Variants in DDX10 observed in about 807,000 individuals in gnomAD.
DDX10 encodes probable ATP-dependent RNA helicase DDX10.
A neutral mutation model predicts 104.3 loss-of-function variants in DDX10; 74 were observed. That is an observed-to-expected ratio of 0.71 (90% CI 0.59 to 0.86). The LOEUF (loss-of-function observed/expected upper bound fraction) is 0.86, where lower values mean the gene tolerates loss of function less well. Ranked by LOEUF, DDX10 falls within the 40% of genes least tolerant of loss-of-function variation. DDX10 has a pLI of 0.00. For synonymous variants in DDX10, 351 were observed against 353.4 expected (o/e 0.99, Z 0.08); for missense variants, 952 against 1,040.0 (o/e 0.92, Z 1.16).
At chr11:108,855,250 G>T (rs1862849708) in intron 16 of DDX10, among the ~76,000 whole-genome samples, 1 of 152,110 alleles carries the variant, frequency 6.6e-6, no homozygotes, top group Non-Finnish European at 1.5e-5. Flanking sequence ...GTTCAGGTAG[G>T]TTACATAATC....
intron 13 of DDX10, among the ~76,000 whole-genome samples, chr11:108,782,313 C>A (rs1036219849): frequency 2.6e-5 from 4 of 152,144 alleles, no homozygotes; most frequent in African/African-American, 9.7e-5. Context: ...GCCTCAATTT[C>A]TTCTATCAAT....
At chr11:108,865,477 A>G (rs1055485691) in intron 16 of DDX10, among the ~76,000 whole-genome samples, 8 of 152,318 alleles carry the variant, frequency 5.3e-5, no homozygotes, top group African/African-American at 1.9e-4. Flanking sequence ...TGGTTGAAAT[A>G]CAGCAGGAGA....
intron 9 of DDX10, among the ~76,000 whole-genome samples, chr11:108,701,911 C>G (rs1050119743): frequency 3.3e-5 from 5 of 152,056 alleles, no homozygotes; most frequent in Admixed American, 3.3e-4. Context: ...GTCTCAAACT[C>G]CTGACCTCAG....
intron 13 of DDX10, among the ~76,000 whole-genome samples, chr11:108,788,582 C>T (rs1174387170): frequency 3.9e-5 from 6 of 152,138 alleles, no homozygotes; most frequent in Non-Finnish European, 7.3e-5. Context: ...AGGCTGGTCT[C>T]GAACTCCCGA....
intron 13 of DDX10, among the ~76,000 whole-genome samples, chr11:108,829,706 T>C (rs769504717): frequency 1.1e-4 from 17 of 152,250 alleles, no homozygotes; most frequent in Non-Finnish European, 2.1e-4. Flanking sequence ...CTAGAATCTT[T>C]ATGGTTTCAG....
At chr11:108,909,027 G>C (rs1863632984) in intron 16 of DDX10, among the ~76,000 whole-genome samples, 1 of 152,170 alleles carries the variant, frequency 6.6e-6, no homozygotes, top group Non-Finnish European at 1.5e-5. Flanking sequence ...CTGAGTGACA[G>C]GAGTGTCTCT....
intron 5 of DDX10, 97 bp downstream of exon 5, chr11:108,678,532 A>G: frequency 8.0e-7 from 1 of 1,257,842 alleles, no homozygotes; most frequent in East Asian, 2.6e-5. Context: ...TGTTAGATAA[A>G]TGTTATGATT....
chr11:108,778,786 A>G (rs1263992793), intron 13 of DDX10, among the ~76,000 whole-genome samples: 4 of 152,256 alleles, frequency 2.6e-5, no homozygotes, highest in East Asian at 1.9e-4. Flanking sequence ...AGTTTTTACA[A>G]TCTACCCATC....
intron 16 of DDX10, among the ~76,000 whole-genome samples, chr11:108,894,421 A>G (rs1863414494): frequency 1.3e-5 from 2 of 152,016 alleles, no homozygotes; most frequent in South Asian, 4.1e-4. Context: ...CTTTAAAGTG[A>G]GTTATCAGTC....
chr11:108,727,561 A>G (rs1338262198), intron 13 of DDX10, among the ~76,000 whole-genome samples: 1 of 152,190 alleles, frequency 6.6e-6, no homozygotes, highest in East Asian at 1.9e-4. Flanking sequence ...TTTTATTGCC[A>G]TATGAATAAA....
At chr11:108,667,749 G>A (rs2094211875) in intron 1 of DDX10, among the ~76,000 whole-genome samples, 1 of 152,154 alleles carries the variant, frequency 6.6e-6, no homozygotes, top group African/African-American at 2.4e-5. Flanking sequence ...ATACCCATCT[G>A]CCCACTCTAA....
intron 16 of DDX10, among the ~76,000 whole-genome samples, chr11:108,880,211 G>A (rs1863208718): frequency 6.6e-6 from 1 of 152,156 alleles, no homozygotes; most frequent in African/African-American, 2.4e-5. Flanking sequence ...TTCTGACATG[G>A]CCTTTCCTTT....
At chr11:108,691,121 T>C (rs918611608) in intron 7 of DDX10, among the ~76,000 whole-genome samples, 2 of 152,242 alleles carry the variant, frequency 1.3e-5, no homozygotes, top group Non-Finnish European at 2.9e-5. Flanking sequence ...TAACAAGCAA[T>C]TCACTTGGTT....
chr11:108,808,973 G>T (rs1862139120), intron 13 of DDX10, among the ~76,000 whole-genome samples: 2 of 152,080 alleles, frequency 1.3e-5, no homozygotes, highest in African/African-American at 4.8e-5. Context: ...TATTGAAAAG[G>T]AATGCAAAGG....
chr11:108,763,159 G>A (rs2094352653), intron 13 of DDX10, among the ~76,000 whole-genome samples: 3 of 152,308 alleles, frequency 2.0e-5, no homozygotes, highest in Middle Eastern at 6.8e-3. Flanking sequence ...AATAGAGGCA[G>A]AGAAGGGTCT....
chr11:108,695,838 C>A (rs998456640), intron 9 of DDX10, among the ~76,000 whole-genome samples: 3 of 150,656 alleles, frequency 2.0e-5, no homozygotes, highest in South Asian at 4.2e-4. Flanking sequence ...AATAAAAATG[C>A]ACTCAAATTA....
intron 13 of DDX10, among the ~76,000 whole-genome samples, chr11:108,776,696 T>C (rs890614295): frequency 3.3e-5 from 5 of 152,214 alleles, no homozygotes; most frequent in Non-Finnish European, 7.3e-5. Context: ...GAGGGTTTTC[T>C]GTGGCTGGTG....
chr11:108,729,071 A>C (rs2094308813), intron 13 of DDX10, among the ~76,000 whole-genome samples: 1 of 152,144 alleles, frequency 6.6e-6, no homozygotes. Flanking sequence ...CTGATTCTAC[A>C]GTTCGAAAAT....
intron 4 of DDX10, among the ~76,000 whole-genome samples, chr11:108,678,019 C>T (rs1273827629): frequency 6.6e-6 from 1 of 151,922 alleles, no homozygotes; most frequent in Non-Finnish European, 1.5e-5. Context: ...CAGTTCTGAT[C>T]CAAATAGGAA....
Sources: allele counts gnomAD v4.1 joint callset (sites outside exome capture counted in the v4.1 genomes callset), GRCh38; gene constraint gnomAD v4.1.1; transcripts MANE v1.5; gene names NCBI Gene and HGNC (gene_info 2026-07-23, HGNC 2026-07-21).